The following NIM1K variants were observed in gnomAD, a reference collection of about 807,000 sequenced individuals.
NIM1K encodes the protein serine/threonine-protein kinase NIM1.
Under a neutral mutation model 37.1 loss-of-function variants are expected in NIM1K, and 35 were observed. That is an observed-to-expected ratio of 0.94 (90% CI 0.72 to 1.25). The LOEUF (loss-of-function observed/expected upper bound fraction) is 1.25. Ranked by LOEUF, NIM1K falls within the 50% of genes most tolerant of loss-of-function variation. The probability of loss-of-function intolerance (pLI) is 0.00; values close to 1 mark genes in which losing one functional copy is unlikely to be tolerated. For synonymous variants in NIM1K, 234 were observed against 206.6 expected, an observed-to-expected ratio of 1.13 and a Z score of -1.14; for missense variants, 564 against 548.0, an observed-to-expected ratio of 1.03 and a Z score of -0.29.
chr5:43,197,513 C>G (rs1316460126), intron 1 of NIM1K, among the ~76,000 whole-genome samples: 1 of 152,130 alleles, frequency 6.6e-6, no homozygotes, highest in Admixed American at 6.6e-5. Flanking sequence ...TTTTAAAGAG[C>G]CTTTTAAACT....
chr5:43,231,802 C>T (rs185779483), intron 1 of NIM1K: 35 of 1,219,514 alleles, frequency 2.9e-5, no homozygotes, highest in East Asian at 8.0e-5. Flanking sequence ...ACCTTTGTGA[C>T]GTTTTCACTT....
chr5:43,267,536 G>T (rs952021703), intron 2 of NIM1K, among the ~76,000 whole-genome samples: 1 of 152,060 alleles, frequency 6.6e-6, no homozygotes, highest in Non-Finnish European at 1.5e-5. Flanking sequence ...CTTGAGGTGC[G>T]ATGTTAGGGT....
In NIM1K at chr5:43,245,104, G is replaced by A. The variant is rs890513839; in HGVS notation, c.-672G>A. 1.3e-5 allele frequency: 2 copies of A among 152,226 alleles called. No homozygotes were observed. The highest frequency in any genetic ancestry group is 2.9e-5 in the Non-Finnish European group (2 of 68,052). 9.4% of individuals were successfully genotyped at this position (152,226 alleles called of 1,614,324 possible). On this transcript the variant is annotated 5_prime_UTR_variant, in exon 2 of 4. Coordinates refer to ENST00000326035, the MANE Select transcript of NIM1K (RefSeq NM_153361.4). Reference sequence around the variant, plus strand: ...TAGGTTGAACCAGCCAAATTTTCGAGACAGCTCACGGCTTAGAGGAAGGTT... The same window carrying A: ...TAGGTTGAACCAGCCAAATTTTCGAAACAGCTCACGGCTTAGAGGAAGGTT...
At chr5:43,218,176 A>G (rs1182355941) in intron 1 of NIM1K, among the ~76,000 whole-genome samples, 1 of 151,512 alleles carries the variant, frequency 6.6e-6, no homozygotes, top group Admixed American at 6.6e-5. Context: ...ATGCCCGGCT[A>G]ATTTTTGTAT....
At chr5:43,212,273 C>T (rs1048420492) in intron 1 of NIM1K, among the ~76,000 whole-genome samples, 1 of 152,012 alleles carries the variant, frequency 6.6e-6, no homozygotes, top group Non-Finnish European at 1.5e-5. Context: ...ACGGATCGCA[C>T]ATCATTTCTG....
intron 1 of NIM1K, among the ~76,000 whole-genome samples, chr5:43,210,145 G>A (rs1259411413): frequency 6.6e-6 from 1 of 151,360 alleles, no homozygotes; most frequent in Admixed American, 6.6e-5. Context: ...GTATTAGAAA[G>A]AGAAGAGAAC....
chr5:43,213,328 T>C (rs1018298193), intron 1 of NIM1K, among the ~76,000 whole-genome samples: 4 of 133,622 alleles, frequency 3.0e-5, no homozygotes, highest in African/African-American at 1.1e-4. Flanking sequence ...TTCTTTTCTT[T>C]TCTTTTCTTT....
At chr5:43,216,985 C>G (rs1008999303) in intron 1 of NIM1K, among the ~76,000 whole-genome samples, 7 of 152,176 alleles carry the variant, frequency 4.6e-5, no homozygotes, top group African/African-American at 2.4e-5. Flanking sequence ...AGATATAATT[C>G]AGATACCATA....
intron 2 of NIM1K, among the ~76,000 whole-genome samples, chr5:43,264,522 T>C (rs373477072): frequency 2.6e-5 from 4 of 152,202 alleles, no homozygotes; most frequent in Admixed American, 1.3e-4. Flanking sequence ...TGTCTCTGCA[T>C]GTGAGATGGG....
intron 1 of NIM1K, among the ~76,000 whole-genome samples, chr5:43,218,016 A>AT (rs1752328247): frequency 8.9e-6 from 1 of 112,736 alleles, no homozygotes; most frequent in Admixed American, 9.0e-5. Flanking sequence ...CCAGACCTCT[A>AT]TTTTTCTTTT....
chr5:43,193,598 C>T (rs1409637803), intron 1 of NIM1K: 1 of 151,906 alleles, frequency 6.6e-6, no homozygotes, highest in African/African-American at 2.4e-5. Flanking sequence ...AAAAGGGAAA[C>T]AAACGAAACC....
chr5:43,199,373 T>C (rs377059175), intron 1 of NIM1K, among the ~76,000 whole-genome samples: 23 of 151,856 alleles, frequency 1.5e-4, no homozygotes, highest in Non-Finnish European at 2.5e-4. Flanking sequence ...CTAAAGAATC[T>C]TCCTGCTTAG....
Position 43,245,762 on chromosome 5 carries a change from A to C in NIM1K, c.-14A>C, listed in dbSNP as rs1440667740. On this transcript the variant is annotated 5_prime_UTR_variant, in exon 2 of 4. The change abolishes the stop of an existing upstream ORF in the 5' untranslated region. Coordinates refer to ENST00000326035, the MANE Select transcript of NIM1K (RefSeq NM_153361.4). The stretch of plus-strand genomic sequence containing the variant: ...GCCTCTTCGCTGAGATGGAGACGTG[A>C]GCCCCCGTGGACGATGACTGCAGTG... 6.4e-7 allele frequency: 1 copy of C among 1,558,722 alleles called. No homozygotes were observed. The highest frequency in any genetic ancestry group is 1.8e-5 in the Admixed American group (1 of 55,724).
intron 1 of NIM1K, among the ~76,000 whole-genome samples, chr5:43,230,822 C>T (rs1752527874): frequency 6.6e-6 from 1 of 152,248 alleles, no homozygotes; most frequent in Non-Finnish European, 1.5e-5. Context: ...CCCCATTTGT[C>T]ACCCACTAGT....
intron 2 of NIM1K, among the ~76,000 whole-genome samples, chr5:43,270,002 C>G (rs1753231149): frequency 6.6e-6 from 1 of 152,152 alleles, no homozygotes; most frequent in Admixed American, 6.5e-5. Context: ...CTTTTGGTTT[C>G]AAGATTTAGA....
chr5:43,194,701 A>C (rs1751887606), intron 1 of NIM1K: 1 of 152,192 alleles, frequency 6.6e-6, no homozygotes, highest in Non-Finnish European at 1.5e-5. Context: ...CTGAGCTTCA[A>C]ATTCTAACAT....
At chr5:43,222,807 G>C (rs889342237) in intron 1 of NIM1K, among the ~76,000 whole-genome samples, 7 of 151,976 alleles carry the variant, frequency 4.6e-5, no homozygotes, top group Non-Finnish European at 1.0e-4. Flanking sequence ...AAAGTGTTCA[G>C]CTTACCTTAT....
intron 1 of NIM1K, chr5:43,193,120 C>G (rs1751857478): frequency 6.6e-6 from 1 of 152,120 alleles, no homozygotes; most frequent in Non-Finnish European, 1.5e-5. Flanking sequence ...CTCCAGGACT[C>G]CTTGATACGA....
chr5:43,278,050 C>CTT (rs1179740770), intron 3 of NIM1K, among the ~76,000 whole-genome samples: 4 of 126,452 alleles, frequency 3.2e-5, no homozygotes, highest in African/African-American at 8.7e-5. Context: ...CTTTCTGTTT[C>CTT]TTTTTTTTTT....
Sources: gnomAD v4.1 joint callset for allele counts (sites outside exome capture counted in the v4.1 genomes callset) on GRCh38, gnomAD v4.1.1 for gene constraint, MANE v1.5 for transcripts, NCBI Gene and HGNC (gene_info 2026-07-23, HGNC 2026-07-21) for gene names.